Variants in LRFN5 observed in about 807,000 individuals in gnomAD.
The protein encoded by LRFN5 is leucine rich repeat and fibronectin type III domain containing 5.
In LRFN5, 24 loss-of-function variants were observed where a neutral mutation model predicts 45.6. The ratio of observed to expected loss-of-function variants is 0.53; its 90% CI spans 0.38 to 0.74. LRFN5 has a LOEUF of 0.74. LRFN5 is among the 30% of genes least tolerant of loss of function. The probability of loss-of-function intolerance (pLI) is 0.00; values close to 1 mark genes in which losing one functional copy is unlikely to be tolerated. For missense variants in LRFN5, 776 were observed against 861.5 expected (o/e 0.90, Z 1.24); for synonymous variants, 340 against 313.8 (o/e 1.08, Z -0.88).
intron 2 of LRFN5, among the ~76,000 whole-genome samples, chr14:41,859,696 T>C (rs1458098183): frequency 6.6e-6 from 1 of 152,214 alleles, no homozygotes; most frequent in African/African-American, 2.4e-5. Context: ...TCTCCAAATA[T>C]ATAGAAATTC....
chr14:41,651,746 T>G (rs114286816), intron 1 of LRFN5, among the ~76,000 whole-genome samples: 1 of 152,220 alleles, frequency 6.6e-6, no homozygotes, highest in Non-Finnish European at 1.5e-5. Flanking sequence ...TATTCTCAGC[T>G]ATTTTCATTT....
At chr14:41,879,473 C>T (rs1890298799) in intron 2 of LRFN5, among the ~76,000 whole-genome samples, 1 of 151,776 alleles carries the variant, frequency 6.6e-6, no homozygotes. Context: ...CATTTTCTTT[C>T]CTCATCTTCT....
chr14:41,651,438 A>G (rs946219675), intron 1 of LRFN5, among the ~76,000 whole-genome samples: 1 of 152,150 alleles, frequency 6.6e-6, no homozygotes, highest in African/African-American at 2.4e-5. Context: ...TTAAATTTTG[A>G]TGTACACTTA....
At chr14:41,721,579 C>A (rs1391151384) in intron 1 of LRFN5, among the ~76,000 whole-genome samples, 1 of 152,006 alleles carries the variant, frequency 6.6e-6, no homozygotes, top group Admixed American at 6.6e-5. Flanking sequence ...AATGAATTTC[C>A]TTAGTGCTTG....
chr14:41,802,625 T>A (rs982125772), intron 2 of LRFN5, among the ~76,000 whole-genome samples: 1 of 152,188 alleles, frequency 6.6e-6, no homozygotes, highest in Non-Finnish European at 1.5e-5. Context: ...TAAAATTTTC[T>A]TAGCCCAGAG....
At chr14:41,770,380 A>G (rs61991870) in intron 2 of LRFN5, among the ~76,000 whole-genome samples, 2,277 of 152,294 alleles carry the variant, frequency 0.015, 23 homozygotes, top group Non-Finnish European at 0.021. Flanking sequence ...TCATTCCAAC[A>G]TTAAGTCTAA....
chr14:41,882,894 G>A (rs1890432984), intron 2 of LRFN5, among the ~76,000 whole-genome samples: 1 of 139,394 alleles, frequency 7.2e-6, no homozygotes, highest in African/African-American at 2.6e-5. Context: ...TGTCACCCAG[G>A]CTGGAGTGTA....
At chr14:41,665,973 G>T (rs930995118) in intron 1 of LRFN5, among the ~76,000 whole-genome samples, 8 of 151,704 alleles carry the variant, frequency 5.3e-5, no homozygotes, top group Non-Finnish European at 8.8e-5. Flanking sequence ...TCTGTATTTC[G>T]TGTATTAAAT....
intron 2 of LRFN5, among the ~76,000 whole-genome samples, chr14:41,863,989 C>A (rs1889758351): frequency 6.6e-6 from 1 of 152,136 alleles, no homozygotes; most frequent in South Asian, 2.1e-4. Flanking sequence ...CAGCTTCATG[C>A]AGAGGACATG....
intron 1 of LRFN5, among the ~76,000 whole-genome samples, chr14:41,754,406 TG>T (rs1213048799): frequency 1.1e-4 from 16 of 152,148 alleles, no homozygotes; most frequent in African/African-American, 3.9e-4. Context: ...GACTTTTTTT[TG>T]GTTCGTAAGC....
At chr14:41,873,437 G>C (rs1016387994) in intron 2 of LRFN5, among the ~76,000 whole-genome samples, 3 of 151,818 alleles carry the variant, frequency 2.0e-5, no homozygotes, top group Non-Finnish European at 4.4e-5. Flanking sequence ...GAGAGAGAGA[G>C]AGAGAGAGAG....
At chr14:41,827,532 A>G (rs945311990) in intron 2 of LRFN5, among the ~76,000 whole-genome samples, 2 of 152,034 alleles carry the variant, frequency 1.3e-5, no homozygotes, top group Non-Finnish European at 2.9e-5. Context: ...GGCAAAATGT[A>G]TCAAAGGAAA....
chr14:41,640,990 T>C (rs1276690014), intron 1 of LRFN5, among the ~76,000 whole-genome samples: 1 of 152,070 alleles, frequency 6.6e-6, no homozygotes, highest in East Asian at 1.9e-4. Context: ...ATTTCAAGGA[T>C]GACTATTCAA....
At position 41,712,401 on chromosome 14, in the gene LRFN5, A is replaced by G. The variant is rs144992932; in HGVS notation, c.-196-54453A>G. ...ACCTAGTGACATCTCTATGACATAG[A>G]CATCTCTATGACAAAGAAAAAATAA... is the stretch of plus-strand genomic sequence containing the variant. On this transcript the variant is annotated intron_variant, in intron 1 of 5. Transcript: ENST00000298119. Among the ~76,000 whole-genome samples the G allele has an allele frequency of 2.6e-4, 40 of 152,292 alleles. No individual in the cohort carries two copies. The East Asian group carries it at 6.4e-3, about 24-fold the overall frequency.
chr14:41,886,412 A>G (rs1190452165), intron 2 of LRFN5, among the ~76,000 whole-genome samples, 194 bp from the exon 3 acceptor site: 2 of 152,162 alleles, frequency 1.3e-5, no homozygotes, highest in Admixed American at 1.3e-4. Flanking sequence ...AATCCCATGA[A>G]ACTATCAATG....
intron 2 of LRFN5, among the ~76,000 whole-genome samples, chr14:41,847,341 T>C (rs979344012): frequency 4.6e-5 from 7 of 152,118 alleles, no homozygotes; most frequent in Non-Finnish European, 1.0e-4. Flanking sequence ...GACTGAGATA[T>C]TCTCCGGTAA....
chr14:41,647,543 A>T (rs895378462), intron 1 of LRFN5, among the ~76,000 whole-genome samples: 1 of 152,206 alleles, frequency 6.6e-6, no homozygotes, highest in African/African-American at 2.4e-5. Flanking sequence ...AGCATTGGTA[A>T]CTGAAGGGGG....
intron 4 of LRFN5, 67 bp from the exon 5 acceptor site, chr14:41,898,850 G>C (rs939308444): frequency 9.4e-6 from 13 of 1,376,776 alleles, no homozygotes; most frequent in African/African-American, 7.3e-5. Flanking sequence ...ATTTCAGTAA[G>C]AGGTTTTTTG....
chr14:41,804,873 T>A (rs527670257), intron 2 of LRFN5, among the ~76,000 whole-genome samples: 4 of 152,332 alleles, frequency 2.6e-5, no homozygotes, highest in African/African-American at 7.2e-5. Context: ...TGATATTACC[T>A]CTAATACCAA....
Sources: allele counts gnomAD v4.1 joint callset (sites outside exome capture counted in the v4.1 genomes callset), GRCh38; gene constraint gnomAD v4.1.1; transcripts MANE v1.5; gene names NCBI Gene and HGNC (gene_info 2026-07-23, HGNC 2026-07-21).